The following NCAM2 variants were observed in gnomAD, a reference collection of about 807,000 sequenced individuals.
NCAM2 encodes N-CAM-2.
NCAM2 carries 30 observed loss-of-function variants against 98.1 expected under a neutral mutation model. The observed-to-expected ratio is 0.31, with a 90% CI of 0.23 to 0.41. The LOEUF (loss-of-function observed/expected upper bound fraction) is 0.41, where lower values mean the gene tolerates loss of function less well. NCAM2 is among the 10% of genes least tolerant of loss of function. NCAM2 has a pLI of 1.00. For missense variants in NCAM2, 867 were observed against 1,005.8 expected, an observed-to-expected ratio of 0.86 and a Z score of 1.87; for synonymous variants, 368 against 342.4, an observed-to-expected ratio of 1.07 and a Z score of -0.83.
chr21:21,482,679 A>G, intron 15 of NCAM2, among the ~76,000 whole-genome samples: 1 of 151,844 alleles, frequency 6.6e-6, no homozygotes, highest in African/African-American at 2.4e-5. Flanking sequence ...AAAATATTAC[A>G]TTGATAACAA....
chr21:21,236,850 A>G (rs1005870878), intron 1 of NCAM2, among the ~76,000 whole-genome samples: 2 of 152,028 alleles, frequency 1.3e-5, no homozygotes, highest in Non-Finnish European at 2.9e-5. Flanking sequence ...AATATCCACA[A>G]TATCACTAGG....
At chr21:21,329,455 C>T (rs552257670) in intron 6 of NCAM2, among the ~76,000 whole-genome samples, 2 of 152,076 alleles carry the variant, frequency 1.3e-5, no homozygotes, top group Non-Finnish European at 2.9e-5. Context: ...GTTAAGTACA[C>T]TCTATGATGT....
intron 16 of NCAM2, among the ~76,000 whole-genome samples, chr21:21,531,480 TC>T (rs11353496): frequency 1 from 152,217 of 152,218 alleles, 76,108 homozygotes; most frequent in Middle Eastern, 1. Context: ...ACTAAGCAAT[TC>T]CGAAGGATGG....
chr21:20,998,448 GC>G lies in NCAM2; in HGVS notation c.-115del. 2 of 972,674 alleles carry G rather than the reference GC, an allele frequency of 2.1e-6. No homozygotes were observed. The highest frequency in any genetic ancestry group is 2.7e-5 in the Admixed American group (1 of 36,644). 60.3% of individuals were successfully genotyped at this position (972,674 alleles called of 1,614,324 possible). ...AGCGCGCGGGCTGCGGGCGGCTGGG[GC>G]ACCGCGGGAGCGGCGGCGGCGGCTC... On this transcript the variant is annotated 5_prime_UTR_variant, in exon 1 of 18. Transcript: ENST00000400546.
chr21:21,327,729 T>C (rs538024716), intron 6 of NCAM2, among the ~76,000 whole-genome samples: 59 of 152,290 alleles, frequency 3.9e-4, no homozygotes, highest in Non-Finnish European at 6.5e-4. Flanking sequence ...CTTAATGTCC[T>C]CCATGGAGGC....
chr21:21,335,958 T>C, intron 7 of NCAM2, among the ~76,000 whole-genome samples: 1 of 152,066 alleles, frequency 6.6e-6, no homozygotes. Flanking sequence ...TCTCTGTAAG[T>C]CTCTAAATGA....
chr21:21,008,490 T>C (rs1463136011), intron 1 of NCAM2, among the ~76,000 whole-genome samples: 1 of 152,232 alleles, frequency 6.6e-6, no homozygotes, highest in African/African-American at 2.4e-5. Context: ...ATAGTATTTC[T>C]GATTTAGAAT....
chr21:21,397,682 G>A (rs367748405), intron 9 of NCAM2, among the ~76,000 whole-genome samples: 11 of 152,328 alleles, frequency 7.2e-5, no homozygotes, highest in East Asian at 3.9e-4. Context: ...GCGACTGTGC[G>A]GCTGCACATG....
At chr21:21,129,633 T>C (rs926874821) in intron 1 of NCAM2, among the ~76,000 whole-genome samples, 1 of 152,148 alleles carries the variant, frequency 6.6e-6, no homozygotes, top group Admixed American at 6.6e-5. Context: ...TAGATGGCAT[T>C]CTCACTTTTT....
chr21:21,475,815 A>T (rs1246222074), intron 14 of NCAM2, among the ~76,000 whole-genome samples: 1 of 152,158 alleles, frequency 6.6e-6, no homozygotes, highest in Non-Finnish European at 1.5e-5. Context: ...AAATAGCAAA[A>T]CAGGCCAAAC....
At chr21:21,507,167 C>T (rs545681105) in intron 15 of NCAM2, among the ~76,000 whole-genome samples, 44 of 151,752 alleles carry the variant, frequency 2.9e-4, no homozygotes, top group African/African-American at 1.0e-3. Flanking sequence ...AACTAGTATT[C>T]AGACAAGTCT....
intron 1 of NCAM2, among the ~76,000 whole-genome samples, chr21:21,190,069 T>G (rs1378912837): frequency 6.6e-6 from 1 of 152,202 alleles, no homozygotes; most frequent in Non-Finnish European, 1.5e-5. Flanking sequence ...CATATGTGTT[T>G]ACATTGACCA....
At chr21:21,082,640 G>A (rs1037332272) in intron 1 of NCAM2, among the ~76,000 whole-genome samples, 1 of 152,136 alleles carries the variant, frequency 6.6e-6, no homozygotes, top group African/African-American at 2.4e-5. Context: ...TGCTATGCAT[G>A]TAGAGGGTAC....
At chr21:21,015,848 C>T (rs911232428) in intron 1 of NCAM2, among the ~76,000 whole-genome samples, 4 of 152,048 alleles carry the variant, frequency 2.6e-5, no homozygotes, top group East Asian at 1.9e-4. Context: ...GGATTACAGG[C>T]GCCTGCCACC....
intron 1 of NCAM2, among the ~76,000 whole-genome samples, chr21:21,056,922 C>A: frequency 6.6e-6 from 1 of 152,026 alleles, no homozygotes; most frequent in East Asian, 1.9e-4. Flanking sequence ...GCTTTCTCCC[C>A]ATTTATTTAT....
At chr21:21,103,820 T>C (rs73332336) in intron 1 of NCAM2, among the ~76,000 whole-genome samples, 11,186 of 152,208 alleles carry the variant, frequency 0.073, 1,331 homozygotes, top group African/African-American at 0.25. Context: ...GTTAGTCATT[T>C]TGTTTTTGTG....
chr21:21,504,770 CTT>C (rs943354610), intron 15 of NCAM2, among the ~76,000 whole-genome samples: 3 of 151,402 alleles, frequency 2.0e-5, no homozygotes, highest in African/African-American at 7.3e-5. Context: ...AAAGACAAAA[CTT>C]ATAAACTTAT....
intron 1 of NCAM2, among the ~76,000 whole-genome samples, chr21:21,055,638 A>G (rs2065194962): frequency 6.6e-6 from 1 of 152,074 alleles, no homozygotes; most frequent in Non-Finnish European, 1.5e-5. Context: ...AGCTCATCTC[A>G]ACACAAAATG....
rs1297678134 is a variant in NCAM2 at position 21,432,301 on chromosome 21, A to G, written c.1654+20A>G. 12 of 1,609,410 alleles carry G rather than the reference A, an allele frequency of 7.5e-6. No homozygotes were observed. Among genetic ancestry groups the G allele is most frequent in the Non-Finnish European group, 1.0e-5 (12 of 1,176,634 alleles). On this transcript the variant is annotated intron_variant, in intron 12 of 17. Coordinates refer to ENST00000400546, the MANE Select transcript of NCAM2 (RefSeq NM_004540.5). ...TTCAAAGTGAGTCAACAATTTCAAA[A>G]TGTGTTGGTTAATTCAAGCTGATCT...
Sources: allele counts gnomAD v4.1 joint callset (sites outside exome capture counted in the v4.1 genomes callset), GRCh38; gene constraint gnomAD v4.1.1; transcripts MANE v1.5; gene names NCBI Gene and HGNC (gene_info 2026-07-23, HGNC 2026-07-21).